The following PITPNM3 variants were observed in gnomAD, a reference collection of about 807,000 sequenced individuals.
PITPNM3 encodes membrane-associated phosphatidylinositol transfer protein 3.
In PITPNM3, 26 loss-of-function variants were observed where a neutral mutation model predicts 102.0. The observed-to-expected ratio is 0.25, with a 90% CI of 0.19 to 0.35. The LOEUF (loss-of-function observed/expected upper bound fraction) is 0.35, where lower values mean the gene tolerates loss of function less well. PITPNM3 is among the 10% of genes least tolerant of loss of function. PITPNM3 has a pLI of 1.00. For missense variants in PITPNM3, 1,083 were observed against 1,346.1 expected (o/e 0.80, Z 3.06); for synonymous variants, 578 against 558.6 (o/e 1.03, Z -0.49).
At chr17:6,515,191 T>C (rs2150627275) in intron 3 of PITPNM3, among the ~76,000 whole-genome samples, 1 of 150,520 alleles carries the variant, frequency 6.6e-6, no homozygotes, top group African/African-American at 2.4e-5. Context: ...AGGTCAGGAG[T>C]TCAAGACCAG....
In PITPNM3 at chr17:6,543,402, G is replaced by T. The variant is rs192578421; in HGVS notation, c.23-5320C>A. Among the ~76,000 whole-genome samples, 8 of 152,360 alleles carry T rather than the reference G, an allele frequency of 5.3e-5. No individual in the cohort carries two copies. The East Asian group carries it at 1.5e-3, about 29-fold the overall frequency. On this transcript the variant is annotated intron_variant, in intron 1 of 19. Coordinates refer to ENST00000262483, the MANE Select transcript of PITPNM3 (RefSeq NM_031220.4). ...GACAGGCGTCTCCTATGTGTGTTCT[G>T]CTCTATATCAGGGACCCCAAGGCAG... is the stretch of plus-strand genomic sequence containing the variant.
At chr17:6,542,360 T>C (rs1186188270) in intron 1 of PITPNM3, among the ~76,000 whole-genome samples, 1 of 152,210 alleles carries the variant, frequency 6.6e-6, no homozygotes, top group Admixed American at 6.5e-5. Context: ...CTACATTCCT[T>C]GGGGAGTGTG....
intron 1 of PITPNM3, among the ~76,000 whole-genome samples, chr17:6,540,238 G>T (rs1192163948): frequency 6.6e-6 from 1 of 152,182 alleles, no homozygotes; most frequent in Non-Finnish European, 1.5e-5. Context: ...TTGGGAACTG[G>T]GAACACTGTG....
intron 1 of PITPNM3, among the ~76,000 whole-genome samples, chr17:6,546,173 G>A (rs1054333534): frequency 6.6e-6 from 1 of 152,184 alleles, no homozygotes; most frequent in Non-Finnish European, 1.5e-5. Context: ...TACTGGTTGG[G>A]GGTTGGTTGC....
In PITPNM3 at chr17:6,455,141, G is replaced by A; in HGVS notation, c.*197C>T. 1 of 656,540 alleles carries A rather than the reference G, an allele frequency of 1.5e-6. No individual in the cohort carries two copies. The highest frequency in any genetic ancestry group is 2.4e-6 in the Non-Finnish European group (1 of 411,040). 40.7% of individuals were successfully genotyped at this position (656,540 alleles called of 1,614,324 possible). On this transcript the variant is annotated 3_prime_UTR_variant, in exon 20 of 20. Transcript: ENST00000262483. ...CAGCAGTGGCTGCACCGAGATCCCCGGACCTCACCCCGTCGCAGCTCAGGG... is the reference window on the plus strand; with the variant it reads ...CAGCAGTGGCTGCACCGAGATCCCCAGACCTCACCCCGTCGCAGCTCAGGG...
chr17:6,544,539 A>T (rs1294284114), intron 1 of PITPNM3, among the ~76,000 whole-genome samples: 1 of 152,098 alleles, frequency 6.6e-6, no homozygotes, highest in Non-Finnish European at 1.5e-5. Context: ...CTCAAAAAAA[A>T]TAAAAATAAA....
chr17:6,461,656 G>C, intron 17 of PITPNM3, 100 bp from the exon 18 acceptor site: 2 of 1,392,576 alleles, frequency 1.4e-6, no homozygotes, highest in Non-Finnish European at 2.0e-6. Flanking sequence ...AGACGTCAGA[G>C]GGACGAGTCT....
At chr17:6,491,831 AT>A (rs1906504598) in intron 4 of PITPNM3, among the ~76,000 whole-genome samples, 1 of 107,090 alleles carries the variant, frequency 9.3e-6, no homozygotes, top group East Asian at 2.4e-4. Context: ...ATATATATAT[AT>A]ATATAATAAA....
chr17:6,551,318 C>T (rs906354028), intron 1 of PITPNM3, among the ~76,000 whole-genome samples: 5 of 150,504 alleles, frequency 3.3e-5, no homozygotes, highest in African/African-American at 1.2e-4. Flanking sequence ...GCTGAGATCG[C>T]GCCACTGCAC....
At chr17:6,487,201 G>A (rs1334274009) in intron 4 of PITPNM3, among the ~76,000 whole-genome samples, 3 of 152,176 alleles carry the variant, frequency 2.0e-5, no homozygotes, top group Non-Finnish European at 2.9e-5. Context: ...GATCCAGAAC[G>A]CCTGAGTTCA....
intron 14 of PITPNM3, among the ~76,000 whole-genome samples, chr17:6,465,089 G>A (rs1269434192): frequency 6.6e-6 from 1 of 152,196 alleles, no homozygotes; most frequent in African/African-American, 2.4e-5. Flanking sequence ...TTTTGCTCTT[G>A]TTGCCCAGGC....
At chr17:6,501,248 G>C (rs1204056864) in intron 4 of PITPNM3, among the ~76,000 whole-genome samples, 4 of 152,130 alleles carry the variant, frequency 2.6e-5, no homozygotes, top group East Asian at 3.8e-4. Flanking sequence ...TGCATTCCTG[G>C]GGAATGGGGT....
intron 3 of PITPNM3, among the ~76,000 whole-genome samples, chr17:6,507,968 G>T (rs1009900386): frequency 4.0e-5 from 6 of 151,764 alleles, no homozygotes; most frequent in African/African-American, 1.5e-4. Context: ...GAGAGCTGGG[G>T]TTGCTGGGAA....
Position 6,454,542 on chromosome 17 carries a change from C to A in PITPNM3, c.*796G>T, listed in dbSNP as rs1380276766. On this transcript the variant is annotated 3_prime_UTR_variant, in exon 20 of 20. Transcript: ENST00000262483. Reference sequence around the variant, plus strand: ...CTCCAATAACAGAAGGAAGACGGAGCCCAGAGAGGGCAAGCAACCAGCTCA... The same window carrying A: ...CTCCAATAACAGAAGGAAGACGGAGACCAGAGAGGGCAAGCAACCAGCTCA... 6.6e-6 allele frequency: 1 copy of A among 152,374 alleles called. No individual in the cohort carries two copies. Among genetic ancestry groups the A allele is most frequent in the Non-Finnish European group, 1.5e-5 (1 of 68,148 alleles). The allele number at this position is 152,374 out of a possible 1,614,324, so 9.4% of individuals were successfully genotyped here.
intron 4 of PITPNM3, among the ~76,000 whole-genome samples, chr17:6,487,514 T>C (rs1360959633): frequency 6.6e-6 from 1 of 152,194 alleles, no homozygotes; most frequent in Non-Finnish European, 1.5e-5. Context: ...CCCTGAGCCC[T>C]GGCATGCTCC....
At chr17:6,473,130 C>G in intron 10 of PITPNM3, 1 of 437,334 alleles carries the variant, frequency 2.3e-6, no homozygotes, top group Non-Finnish European at 4.3e-6. Flanking sequence ...CTCCCTCCCC[C>G]ATTTCCACGG....
intron 17 of PITPNM3, 50 bp from the exon 18 acceptor site, chr17:6,461,606 T>G: frequency 1.3e-6 from 2 of 1,592,272 alleles, no homozygotes; most frequent in Non-Finnish European, 1.7e-6. Flanking sequence ...GCAGGCCACC[T>G]GATGCCCAGA....
intron 6 of PITPNM3, among the ~76,000 whole-genome samples, chr17:6,482,055 T>C (rs1905767968): frequency 1.8e-5 from 2 of 112,290 alleles, no homozygotes; most frequent in Admixed American, 9.3e-5. Flanking sequence ...TCTCTCTCTC[T>C]CTCTCTCTCT....
chr17:6,507,820 A>T (rs191217253), intron 3 of PITPNM3, among the ~76,000 whole-genome samples: 8 of 152,268 alleles, frequency 5.3e-5, no homozygotes, highest in African/African-American at 1.9e-4. Flanking sequence ...TGCCAAGTCC[A>T]TAGTCGGTAC....
Sources: allele counts gnomAD v4.1 joint callset (sites outside exome capture counted in the v4.1 genomes callset), GRCh38; gene constraint gnomAD v4.1.1; transcripts MANE v1.5; gene names NCBI Gene and HGNC (gene_info 2026-07-23, HGNC 2026-07-21).